The following GPALPP1 variants were observed in gnomAD, a reference collection of about 807,000 sequenced individuals.
GPALPP1 encodes GPALPP motifs-containing protein 1.
A neutral mutation model predicts 38.9 loss-of-function variants in GPALPP1; 30 were observed. The observed-to-expected ratio is 0.77, with a 90% CI of 0.58 to 1.05. The LOEUF (loss-of-function observed/expected upper bound fraction) is 1.05. GPALPP1 is among the 50% of genes least tolerant of loss of function. The probability of loss-of-function intolerance (pLI) is 0.00; values close to 1 mark genes in which losing one functional copy is unlikely to be tolerated. For missense variants in GPALPP1, 384 were observed against 408.8 expected (o/e 0.94, Z 0.52); for synonymous variants, 120 against 139.2 (o/e 0.86, Z 0.97).
intron 4 of GPALPP1, among the ~76,000 whole-genome samples, chr13:45,011,525 A>C (rs1874476293): frequency 6.6e-6 from 1 of 152,160 alleles, no homozygotes; most frequent in Admixed American, 6.6e-5. Flanking sequence ...ACCAAGGAGA[A>C]GACTGAGTGC....
At chr13:45,013,880 T>A (rs995565599) in intron 4 of GPALPP1, among the ~76,000 whole-genome samples, 18 of 152,300 alleles carry the variant, frequency 1.2e-4, no homozygotes, top group South Asian at 8.3e-4. Context: ...ATTTTTTTTA[T>A]TAAAAGAAAT....
intron 4 of GPALPP1, among the ~76,000 whole-genome samples, chr13:45,009,631 T>C (rs1258181560): frequency 6.6e-6 from 1 of 152,214 alleles, no homozygotes; most frequent in Non-Finnish European, 1.5e-5. Flanking sequence ...CCTTCCTATG[T>C]ATGAATTCAT....
At chr13:44,995,202 A>ACACACACACACACACACACACC (rs755761092) in intron 1 of GPALPP1, among the ~76,000 whole-genome samples, 15 of 54,562 alleles carry the variant, frequency 2.7e-4, no homozygotes, top group African/African-American at 5.5e-4. Context: ...ACACACACAC[A>ACACACACACACACACACACACC]CCCCTTCTCT....
intron 6 of GPALPP1, among the ~76,000 whole-genome samples, chr13:45,017,735 G>T (rs990772025): frequency 6.6e-6 from 1 of 152,156 alleles, no homozygotes; most frequent in African/African-American, 2.4e-5. Context: ...GAACTTAAGA[G>T]ATTTTAATCC....
chr13:44,995,295 A>G (rs144263253), intron 1 of GPALPP1, among the ~76,000 whole-genome samples: 9 of 151,874 alleles, frequency 5.9e-5, no homozygotes, highest in East Asian at 5.8e-4. Flanking sequence ...TTTATCTTCA[A>G]TTAAACCTTC....
intron 1 of GPALPP1, among the ~76,000 whole-genome samples, chr13:44,997,576 A>G (rs1286811624): frequency 6.6e-6 from 1 of 152,006 alleles, no homozygotes; most frequent in African/African-American, 2.4e-5. Flanking sequence ...CTCAAATTCA[A>G]ATCTCATTCT....
At chr13:45,027,737 TCTATATACAAA>T in intron 7 of GPALPP1, 37 bp from the exon 8 acceptor site, 1 of 863,442 alleles carries the variant, frequency 1.2e-6, no homozygotes, top group Non-Finnish European at 1.9e-6. Flanking sequence ...CTGTCAATAA[TCTATATACAAA>T]CTATAGTTTT....
chr13:45,024,490 G>C (rs1221099293), intron 7 of GPALPP1, among the ~76,000 whole-genome samples: 1 of 151,624 alleles, frequency 6.6e-6, no homozygotes, highest in Non-Finnish European at 1.5e-5. Context: ...GTAGAGATGG[G>C]GTTTCACTGT....
At chr13:45,003,715 A>G (rs184723170) in intron 1 of GPALPP1, among the ~76,000 whole-genome samples, 3 of 152,032 alleles carry the variant, frequency 2.0e-5, no homozygotes, top group Admixed American at 2.0e-4. Flanking sequence ...GACCCTTACC[A>G]CTCTCCCTAA....
intron 1 of GPALPP1, among the ~76,000 whole-genome samples, chr13:44,996,489 A>AT (rs200713423): frequency 1.0e-3 from 154 of 146,868 alleles, no homozygotes; most frequent in African/African-American, 3.1e-3. Context: ...TGGGAACGGG[A>AT]TTTTTTTTTT....
intron 1 of GPALPP1, among the ~76,000 whole-genome samples, chr13:44,994,310 C>T (rs1247930422): frequency 6.7e-6 from 1 of 150,246 alleles, no homozygotes; most frequent in Non-Finnish European, 1.5e-5. Flanking sequence ...CGGCCGGGCA[C>T]GGTGGCTCAC....
chr13:45,004,867 G>T (rs1451844232), intron 2 of GPALPP1, among the ~76,000 whole-genome samples: 1 of 151,728 alleles, frequency 6.6e-6, no homozygotes, highest in East Asian at 1.9e-4. Context: ...TGTTGCCCAG[G>T]CTGGTCTCAA....
chr13:45,020,082 T>C (rs953182053), intron 6 of GPALPP1, among the ~76,000 whole-genome samples: 7 of 151,864 alleles, frequency 4.6e-5, no homozygotes, highest in Non-Finnish European at 8.8e-5. Context: ...GGTTTCACCA[T>C]GTTGCCCAGG....
intron 3 of GPALPP1, among the ~76,000 whole-genome samples, chr13:45,006,633 C>G (rs1271916672): frequency 6.6e-6 from 1 of 152,168 alleles, no homozygotes; most frequent in Non-Finnish European, 1.5e-5. Flanking sequence ...GAGCTAGAAT[C>G]TTGATGTTGT....
At chr13:45,008,174 T>G (rs543304074) in intron 3 of GPALPP1, among the ~76,000 whole-genome samples, 22 of 152,350 alleles carry the variant, frequency 1.4e-4, no homozygotes, top group African/African-American at 4.8e-4. Context: ...GAAATATGGT[T>G]AGCACGGTAC....
downstream of GPALPP1, chr13:45,031,229 T>C (rs1177208351): frequency 6.6e-6 from 1 of 152,176 alleles, no homozygotes; most frequent in African/African-American, 2.4e-5. Context: ...GTACTCAAAA[T>C]TGAACAGAGC....
chr13:44,991,404 GCCA>G (rs1872798156), intron 1 of GPALPP1, among the ~76,000 whole-genome samples: 1 of 151,640 alleles, frequency 6.6e-6, no homozygotes, highest in South Asian at 2.1e-4. Context: ...CCGAGATCGC[GCCA>G]CTGCACTCCA....
chr13:45,008,929 G>A, intron 4 of GPALPP1, 50 bp downstream of exon 4: 1 of 1,064,252 alleles, frequency 9.4e-7, no homozygotes, highest in Non-Finnish European at 1.5e-6. Flanking sequence ...TTCATTGAAA[G>A]AATAAGATGT....
intron 1 of GPALPP1, chr13:45,002,513 A>G (rs1297491189): frequency 6.6e-6 from 1 of 152,252 alleles, no homozygotes; most frequent in Non-Finnish European, 1.5e-5. Flanking sequence ...AGCCTGTACT[A>G]GCATTTATTG....
Sources: gnomAD v4.1 joint callset for allele counts (sites outside exome capture counted in the v4.1 genomes callset) on GRCh38, gnomAD v4.1.1 for gene constraint, MANE v1.5 for transcripts, NCBI Gene and HGNC (gene_info 2026-07-23, HGNC 2026-07-21) for gene names.